Variants in CNTN6 observed in about 807,000 individuals in gnomAD.
CNTN6 encodes the protein contactin 6.
CNTN6 carries 137 observed loss-of-function variants against 122.8 expected under a neutral mutation model. The ratio of observed to expected loss-of-function variants is 1.12; its 90% CI spans 0.97 to 1.29. The LOEUF is 1.29. Ranked by LOEUF, CNTN6 falls within the 50% of genes most tolerant of loss-of-function variation. The probability of loss-of-function intolerance (pLI) is 0.00; values close to 1 mark genes in which losing one functional copy is unlikely to be tolerated. For missense variants in CNTN6, 1,634 were observed against 1,223.4 expected, an observed-to-expected ratio of 1.34 and a Z score of -5.01; for synonymous variants, 570 against 426.0, an observed-to-expected ratio of 1.34 and a Z score of -4.16.
At chr3:1,136,635 A>G (rs1019180287) in intron 1 of CNTN6, among the ~76,000 whole-genome samples, 15 of 152,136 alleles carry the variant, frequency 9.9e-5, no homozygotes, top group Admixed American at 5.9e-4. Flanking sequence ...CTTTATAACA[A>G]CTCAGGGTGG....
rs142067179 is a variant in CNTN6, at chr3:1,267,552, C to T, written c.359-10861C>T. Among the ~76,000 whole-genome samples, 284 of 152,186 alleles carry T rather than the reference C, an allele frequency of 1.9e-3. 1 individual carries two copies. The highest frequency in any genetic ancestry group is 2.7e-3 in the Non-Finnish European group (183 of 68,008). ...ACACCTCTATAGCTCTTAGCTGTTGCCATCAAATATTTAACCAAAATCTAA... is the reference window on the plus strand; with the variant it reads ...ACACCTCTATAGCTCTTAGCTGTTGTCATCAAATATTTAACCAAAATCTAA... On this transcript the variant is annotated intron_variant, in intron 4 of 22. Transcript: ENST00000446702.
intron 11 of CNTN6, among the ~76,000 whole-genome samples, chr3:1,349,216 A>C (rs1705235578): frequency 6.6e-6 from 1 of 151,954 alleles, no homozygotes; most frequent in Non-Finnish European, 1.5e-5. Context: ...GTATAACTTC[A>C]ACCTTAAATC....
intron 2 of CNTN6, among the ~76,000 whole-genome samples, chr3:1,219,782 G>A (rs1299339517): frequency 6.6e-6 from 1 of 152,094 alleles, no homozygotes. Flanking sequence ...TTGGGAGGCT[G>A]AGGTGAATGG....
intron 11 of CNTN6, among the ~76,000 whole-genome samples, chr3:1,332,170 G>C (rs1485966212): frequency 1.3e-5 from 2 of 151,866 alleles, no homozygotes; most frequent in Non-Finnish European, 2.9e-5. Flanking sequence ...GAAAATAATT[G>C]AGCTCTAGCA....
At chr3:1,200,918 TTTCG>T (rs2093855269) in intron 2 of CNTN6, among the ~76,000 whole-genome samples, 3 of 148,704 alleles carry the variant, frequency 2.0e-5, no homozygotes, top group African/African-American at 2.5e-5. Flanking sequence ...CCTTTGTTTC[TTTCG>T]TTCTTTTTTT....
chr3:1,270,021 G>C (rs935695408), intron 4 of CNTN6, among the ~76,000 whole-genome samples: 3 of 152,128 alleles, frequency 2.0e-5, no homozygotes, highest in African/African-American at 7.2e-5. Context: ...CCAGTTCTAA[G>C]ATTTAGCTAT....
chr3:1,127,631 A>G (rs2092210534), intron 1 of CNTN6, among the ~76,000 whole-genome samples: 1 of 152,006 alleles, frequency 6.6e-6, no homozygotes, highest in Non-Finnish European at 1.5e-5. Flanking sequence ...TGTCTTATAT[A>G]CAAAAATAAT....
intron 5 of CNTN6, among the ~76,000 whole-genome samples, chr3:1,281,735 G>A (rs796990524): frequency 6.6e-6 from 1 of 152,174 alleles, no homozygotes. Context: ...ATCGGGCGCA[G>A]CAAAGGCTGA....
At chr3:1,369,748 A>G (rs150115871) in intron 12 of CNTN6, among the ~76,000 whole-genome samples, 2,164 of 152,192 alleles carry the variant, frequency 0.014, 57 homozygotes, top group African/African-American at 0.049. Flanking sequence ...ATCCTCCTAT[A>G]AATGTAAATA....
intron 2 of CNTN6, among the ~76,000 whole-genome samples, chr3:1,188,363 T>C (rs1253561971): frequency 6.6e-6 from 1 of 152,222 alleles, no homozygotes; most frequent in Non-Finnish European, 1.5e-5. Context: ...TCAAAAACAT[T>C]GTACATTCAT....
At chr3:1,178,027 A>C (rs1255629138) in intron 2 of CNTN6, among the ~76,000 whole-genome samples, 2 of 151,354 alleles carry the variant, frequency 1.3e-5, no homozygotes, top group Non-Finnish European at 2.9e-5. Flanking sequence ...CAGCCTCCCT[A>C]ATAGCTGGGA....
At chr3:1,285,437 C>T (rs967454008) in intron 5 of CNTN6, among the ~76,000 whole-genome samples, 2 of 152,058 alleles carry the variant, frequency 1.3e-5, no homozygotes, top group African/African-American at 4.8e-5. Context: ...TAGCAGGCAG[C>T]TGGATTATAT....
chr3:1,289,247 T>C (rs1195715161), intron 5 of CNTN6, among the ~76,000 whole-genome samples: 7 of 151,766 alleles, frequency 4.6e-5, no homozygotes, highest in African/African-American at 1.7e-4. Context: ...TGGAACAAAA[T>C]AGATAAAAGC....
intron 7 of CNTN6, among the ~76,000 whole-genome samples, chr3:1,317,220 T>G (rs560785806): frequency 9.9e-5 from 15 of 150,996 alleles, no homozygotes; most frequent in African/African-American, 3.7e-4. Context: ...TTATCATTAT[T>G]TTTTGATAAT....
chr3:1,379,701 G>A (rs889363102), intron 17 of CNTN6, among the ~76,000 whole-genome samples: 8 of 152,084 alleles, frequency 5.3e-5, no homozygotes, highest in African/African-American at 1.9e-4. Context: ...CTGAGGAGGA[G>A]GTGGGGGGTG....
chr3:1,118,130 G>A (rs532188917), intron 1 of CNTN6, among the ~76,000 whole-genome samples: 2 of 152,268 alleles, frequency 1.3e-5, no homozygotes, highest in African/African-American at 4.8e-5. Flanking sequence ...ATGTAACTCT[G>A]CTGCGGTGGT....
intron 4 of CNTN6, among the ~76,000 whole-genome samples, chr3:1,274,916 G>C (rs1692039675): frequency 6.6e-6 from 1 of 151,930 alleles, no homozygotes; most frequent in Non-Finnish European, 1.5e-5. Flanking sequence ...CTAAACATAG[G>C]TGTGTTTATT....
At chr3:1,298,137 TTAAAC>T in intron 7 of CNTN6, 146 bp downstream of exon 7, 1 of 612,112 alleles carries the variant, frequency 1.6e-6, no homozygotes, top group Admixed American at 3.0e-5. Flanking sequence ...TGATTTGAAT[TTAAAC>T]AAACATGTCT....
At chr3:1,360,971 C>T (rs1707377341) in intron 12 of CNTN6, among the ~76,000 whole-genome samples, 1 of 151,976 alleles carries the variant, frequency 6.6e-6, no homozygotes, top group Non-Finnish European at 1.5e-5. Flanking sequence ...AAAATGGTTT[C>T]AGCTTCAAGG....
Sources: gnomAD v4.1 joint callset for allele counts (sites outside exome capture counted in the v4.1 genomes callset) on GRCh38, gnomAD v4.1.1 for gene constraint, MANE v1.5 for transcripts, NCBI Gene and HGNC (gene_info 2026-07-23, HGNC 2026-07-21) for gene names.